Variants in ME2 observed in about 807,000 individuals in gnomAD.
ME2 encodes the protein malic enzyme 2, also known as NAD-dependent malic enzyme, mitochondrial.
A neutral mutation model predicts 73.7 loss-of-function variants in ME2; 60 were observed. The observed-to-expected ratio is 0.81, with a 90% confidence interval of 0.66 to 1.01. ME2 has a LOEUF of 1.01. Among genes scored for constraint, ME2 ranks in the 50% least tolerant of loss-of-function variants. The pLI, the probability that ME2 is intolerant of heterozygous loss-of-function variation, is 0.00. For missense variants in ME2, 594 were observed against 705.5 expected, an observed-to-expected ratio of 0.84 and a Z score of 1.79; for synonymous variants, 199 against 236.9, an observed-to-expected ratio of 0.84 and a Z score of 1.47.
At chr18:50,884,860 G>C (rs1404134715) in intron 1 of ME2, among the ~76,000 whole-genome samples, 1 of 151,822 alleles carries the variant, frequency 6.6e-6, no homozygotes, top group African/African-American at 2.4e-5. Context: ...GTGTGTGTGT[G>C]TGTGTGTGTC....
intron 13 of ME2, chr18:50,935,347 A>C (rs1040925852): frequency 6.6e-6 from 1 of 152,198 alleles, no homozygotes; most frequent in African/African-American, 2.4e-5. Context: ...CGTAAATGCT[A>C]TGAAACAAAT....
chr18:50,937,790 G>A (rs1324109476), intron 13 of ME2, among the ~76,000 whole-genome samples: 2 of 152,068 alleles, frequency 1.3e-5, no homozygotes, highest in African/African-American at 4.8e-5. Flanking sequence ...AAGGACAGGA[G>A]AAGGAAAATA....
Position 50,940,319 on chromosome 18 carries a change from T to C in ME2, c.1520T>C (p.Leu507Pro), listed in dbSNP as rs1917916892. The change falls in exon 15 of 16, where the codon CTA becomes CCA. Residue 507 changes from leucine (L) to proline (P), a missense_variant. Transcript: ENST00000321341. ...ACAAGCCAATTGACAGATGAAGAGC[T>C]AGCCCAAGGGAGACTTTACCCACCG... ...ALTSQLTDEELAQGRLYPPLA... is the reference protein window; with the variant it reads ...ALTSQLTDEEPAQGRLYPPLA... 1 of 1,610,728 alleles carries C rather than the reference T, an allele frequency of 6.2e-7. No individual in the cohort carries two copies. The highest frequency in any genetic ancestry group is 2.2e-5 in the East Asian group (1 of 44,802).
intron 1 of ME2, among the ~76,000 whole-genome samples, chr18:50,882,289 G>A (rs573648022): frequency 2.4e-4 from 37 of 152,054 alleles, no homozygotes; most frequent in Non-Finnish European, 3.7e-4. Context: ...TGTTCGCCAC[G>A]GGATTTAAAT....
intron 5 of ME2, 109 bp downstream of exon 5, chr18:50,916,352 A>G: frequency 1.3e-6 from 1 of 796,908 alleles, no homozygotes. Flanking sequence ...TTTTGCACTT[A>G]TATACATGCA....
chr18:50,902,798 A>G (rs1423503041), intron 2 of ME2, among the ~76,000 whole-genome samples: 1 of 152,258 alleles, frequency 6.6e-6, no homozygotes, highest in Non-Finnish European at 1.5e-5. Flanking sequence ...TGGGAAAAGT[A>G]TACTATAAAT....
At chr18:50,909,277 A>G (rs1246340180) in intron 3 of ME2, among the ~76,000 whole-genome samples, 3 of 152,198 alleles carry the variant, frequency 2.0e-5, no homozygotes, top group Non-Finnish European at 4.4e-5. Flanking sequence ...AACTTAATAT[A>G]TATGACCAAC....
At chr18:50,891,000 A>G (rs1054224021) in intron 1 of ME2, among the ~76,000 whole-genome samples, 2 of 152,222 alleles carry the variant, frequency 1.3e-5, no homozygotes, top group Non-Finnish European at 2.9e-5. Flanking sequence ...GGGCCTCACC[A>G]TGGTCACCTG....
At chr18:50,922,359 A>G (rs117430619) in intron 10 of ME2, among the ~76,000 whole-genome samples, 1 of 152,364 alleles carries the variant, frequency 6.6e-6, no homozygotes, top group East Asian at 1.9e-4. Flanking sequence ...TCAGCTTATA[A>G]GTGACGGAGG....
intron 13 of ME2, among the ~76,000 whole-genome samples, chr18:50,936,203 G>C (rs1223276739): frequency 6.6e-6 from 1 of 152,214 alleles, no homozygotes; most frequent in Non-Finnish European, 1.5e-5. Context: ...TACCAAGGCA[G>C]TGGTAATGAC....
At chr18:50,940,417 A>G (rs980469500) in intron 15 of ME2, 31 bp downstream of exon 15, 7 of 1,290,708 alleles carry the variant, frequency 5.4e-6, no homozygotes, top group African/African-American at 4.5e-5. Context: ...CTTCACATTA[A>G]TTTTAATGAC....
Position 50,951,408 on chromosome 18 carries a change from G to T in ME2, c.*4224G>T, listed in dbSNP as rs1026399089. 6 of 151,886 alleles carry T rather than the reference G, an allele frequency of 4.0e-5. No homozygotes were observed. The highest frequency in any genetic ancestry group is 2.0e-4 in the Admixed American group (3 of 15,256). 9.4% of individuals were successfully genotyped at this position (151,886 alleles called of 1,614,324 possible). ...GAAAAATACTTCAAATGCTCCCATA[G>T]TTTTTTTTCCTCAAGCCCAGTCAGT... On this transcript the variant is annotated 3_prime_UTR_variant, in exon 16 of 16. Coordinates refer to ENST00000321341, the MANE Select transcript of ME2 (RefSeq NM_002396.5).
intron 15 of ME2, among the ~76,000 whole-genome samples, chr18:50,946,389 A>G (rs974395112): frequency 6.6e-6 from 1 of 152,200 alleles, no homozygotes; most frequent in African/African-American, 2.4e-5. Flanking sequence ...CTCTCAAGTA[A>G]CTACCTTGGG....
chr18:50,917,607 T>G, intron 6 of ME2, 99 bp downstream of exon 6: 3 of 831,132 alleles, frequency 3.6e-6, no homozygotes, highest in Non-Finnish European at 5.2e-6. Context: ...AGGGAAAGTT[T>G]TATGATTAGA....
At position 50,953,121 on chromosome 18, in the gene ME2, A is replaced by C. The variant is rs979700371; in HGVS notation, c.*5937A>C. ...TTTTTTTTTTTTTTTCTTTTCTTTG[A>C]GACAGCCTTGCTCTGTCTCCCAGGC... On this transcript the variant is annotated 3_prime_UTR_variant, in exon 16 of 16. Coordinates refer to ENST00000321341, the MANE Select transcript of ME2 (RefSeq NM_002396.5). 1.5e-5 allele frequency: 2 copies of C among 130,908 alleles called. No homozygotes were observed. Among genetic ancestry groups the C allele is most frequent in the African/African-American group, 6.2e-5 (2 of 32,222 alleles). The allele number at this position is 130,908 out of a possible 1,614,324, so 8.1% of individuals were successfully genotyped here. A position where few individuals can be genotyped will look rare whatever the true frequency, so the allele number is the denominator to read the frequency against.
chr18:50,887,522 C>G (rs926908633), intron 1 of ME2, among the ~76,000 whole-genome samples: 1 of 152,210 alleles, frequency 6.6e-6, no homozygotes, highest in Non-Finnish European at 1.5e-5. Context: ...ACACTTTTCT[C>G]TCCATAAATG....
chr18:50,950,020 G>C lies in ME2; in HGVS notation c.*2836G>C, dbSNP rs141265977. ...AAGAAGGTAATTATTTTGAATAACA[G>C]CAATAGAGAATCTTTTATTTTGAAT... On this transcript the variant is annotated 3_prime_UTR_variant, in exon 16 of 16. Transcript: ENST00000321341. 1 of 152,140 alleles carries C rather than the reference G, an allele frequency of 6.6e-6. No individual in the cohort carries two copies. The highest frequency in any genetic ancestry group is 1.9e-4 in the East Asian group (1 of 5,198). 9.4% of individuals were successfully genotyped at this position (152,140 alleles called of 1,614,324 possible).
rs1452302809 is a variant in ME2, at chr18:50,953,115, T to C, written c.*5931T>C. The C allele has an allele frequency of 2.0e-5, 3 of 151,816 alleles. No homozygotes were observed. The highest frequency in any genetic ancestry group is 7.3e-5 in the African/African-American group (3 of 41,264). The allele number at this position is 151,816 out of a possible 1,614,324, so 9.4% of individuals were successfully genotyped here. On this transcript the variant is annotated 3_prime_UTR_variant, in exon 16 of 16. Coordinates refer to ENST00000321341, the MANE Select transcript of ME2 (RefSeq NM_002396.5). ...TTCTTTTTTTTTTTTTTTTTTCTTT[T>C]CTTTGAGACAGCCTTGCTCTGTCTC...
chr18:50,918,472 G>A (rs558882283), intron 7 of ME2, among the ~76,000 whole-genome samples: 3 of 152,248 alleles, frequency 2.0e-5, no homozygotes, highest in South Asian at 4.2e-4. Flanking sequence ...TCCATCAAAC[G>A]CTTACTGCTC....
Sources: gnomAD v4.1 joint callset for allele counts (sites outside exome capture counted in the v4.1 genomes callset) on GRCh38, gnomAD v4.1.1 for gene constraint, MANE v1.5 for transcripts, NCBI Gene and HGNC (gene_info 2026-07-23, HGNC 2026-07-21) for gene names.